Variants in TACC2 observed in about 807,000 individuals in gnomAD.
TACC2 encodes transforming acidic coiled-coil containing protein 2, also known as transforming acidic coiled-coil-containing protein 2.
In TACC2, 137 loss-of-function variants were observed where a neutral mutation model predicts 227.3. That is an observed-to-expected ratio of 0.60 (90% confidence interval 0.52 to 0.69). The LOEUF is 0.69. TACC2 is among the 30% of genes least tolerant of loss of function. The pLI is 0.00. For missense variants in TACC2, 3,470 were observed against 3,694.4 expected (o/e 0.94, Z 1.57); for synonymous variants, 1,523 against 1,487.5 (o/e 1.02, Z -0.55).
chr10:122,022,281 A>G, intron 2 of TACC2: 1 of 367,226 alleles, frequency 2.7e-6, no homozygotes. Flanking sequence ...TTGCTCTGTC[A>G]CCCAGGCTTG....
intron 7 of TACC2, among the ~76,000 whole-genome samples, chr10:122,185,087 A>T (rs1380573362): frequency 6.9e-6 from 1 of 144,516 alleles, no homozygotes; most frequent in Non-Finnish European, 1.5e-5. Flanking sequence ...GCTGATCTGG[A>T]ACTCCTGGGC....
At position 122,073,126 on chromosome 10, in the gene TACC2, A is replaced by AAAATAT. The variant is rs1383487943; in HGVS notation, c.147-9520_147-9519insAATATA. The stretch of plus-strand genomic sequence containing the variant: ...TGTCTCAAAAAAAAAAAAAAAAAAA[A>AAAATAT]ATATATATATATATATATATATATA... On this transcript the variant is annotated intron_variant, in intron 3 of 22. Coordinates refer to ENST00000369005, the MANE Select transcript of TACC2 (RefSeq NM_206862.4). Among the ~76,000 whole-genome samples the AAAATAT allele has an allele frequency of 4.9e-3, 349 of 70,848 alleles. 3 individuals carry two copies. Among genetic ancestry groups the AAAATAT allele is most frequent in the Middle Eastern group, 9.6e-3 (1 of 104 alleles). 46.5% of individuals were successfully genotyped at this position (70,848 alleles called of 152,430 possible).
intron 11 of TACC2, among the ~76,000 whole-genome samples, chr10:122,224,494 C>T (rs972704300): frequency 6.6e-6 from 1 of 152,150 alleles, no homozygotes; most frequent in Non-Finnish European, 1.5e-5. Flanking sequence ...TCTCAGCCTC[C>T]CTAATGGCAG....
intron 13 of TACC2, 123 bp downstream of exon 13, chr10:122,226,604 A>ATTT: frequency 1.3e-5 from 4 of 303,120 alleles, no homozygotes; most frequent in Admixed American, 5.7e-5. Context: ...CATGCCACAT[A>ATTT]TTTTTTTTTT....
rs572282565 is a variant in TACC2, at chr10:122,057,639, C to T, written c.146+7089C>T. 2.9e-5 allele frequency among the ~76,000 whole-genome samples: 4 copies of T among 136,482 alleles called. No homozygotes were observed. In the South Asian group the frequency reaches 1.0e-3, roughly 35 times the overall value. The allele number at this position is 136,482 out of a possible 152,430, so 89.5% of individuals were successfully genotyped here. A position where few individuals can be genotyped will look rare whatever the true frequency, so the allele number is the denominator to read the frequency against. On this transcript the variant is annotated intron_variant, in intron 3 of 22. Coordinates refer to ENST00000369005, the MANE Select transcript of TACC2 (RefSeq NM_206862.4). ...CCAACATGGAGAAACCCTGTCTCTA[C>T]TAAAAATAAAAAATTAAAAAATTAA...
In TACC2 at chr10:122,087,413, G is replaced by A. The variant is rs2137172642; in HGVS notation, c.4913G>A (p.Arg1638Lys). The change falls in exon 4 of 23, where the codon AGG (arginine) becomes AAG (lysine). Residue 1638 changes from arginine to lysine, a missense_variant. Arg to Lys is a conservative substitution (Grantham distance 26). Around this residue, in one of 10 missense-constraint regions of TACC2, gnomAD observed 1,924 missense variants for 1,978.3 expected, o/e 0.97. Transcript: ENST00000369005. ...PRSTCAPSPQREVLTVPEANS... is the reference protein window; with the variant it reads ...PRSTCAPSPQKEVLTVPEANS... ...TCCACGTGTGCCCCTTCTCCTCAGA[G>A]GGAGGTTTTGACTGTGCCTGAGGCC... is the stretch of plus-strand genomic sequence containing the variant. 1 of 1,614,062 alleles carries A rather than the reference G, an allele frequency of 6.2e-7. No homozygotes were observed. The highest frequency in any genetic ancestry group is 2.2e-5 in the East Asian group (1 of 44,872).
At chr10:122,115,561 A>T (rs2138195477) in intron 5 of TACC2, among the ~76,000 whole-genome samples, 1 of 152,330 alleles carries the variant, frequency 6.6e-6, no homozygotes, top group Non-Finnish European at 1.5e-5. Context: ...GCCTCACCCC[A>T]ATGCCAATAG....
In TACC2 at chr10:122,084,787, C is replaced by T. The variant is rs535338058; in HGVS notation, c.2287C>T (p.Arg763Cys). The T allele has an allele frequency of 1.4e-5, 22 of 1,613,586 alleles. No homozygotes were observed. The highest frequency in any genetic ancestry group is 4.4e-5 in the South Asian group (4 of 91,082). The part of the protein sequence containing the change: ...EGLLTSPDQP[R>C]GPACDASRQE... ...CTTGCTGACGTCCCCAGATCAACCC[C>T]GCGGGCCGGCGTGTGATGCGTCGAG... Residue 763 changes from arginine to cysteine, a missense_variant, in exon 4 of 23, where the codon CGC becomes TGC. Physicochemically the swap from Arg to Cys is radical, Grantham distance 180. This residue lies in a region of TACC2 where 1,924 missense variants were observed against 1,978.3 expected (regional missense o/e 0.97). Coordinates refer to ENST00000369005, the MANE Select transcript of TACC2 (RefSeq NM_206862.4).
At chr10:122,009,746 T>C (rs1249142195) in intron 1 of TACC2, among the ~76,000 whole-genome samples, 2 of 151,968 alleles carry the variant, frequency 1.3e-5, no homozygotes, top group Non-Finnish European at 2.9e-5. Flanking sequence ...GCCAACTTGA[T>C]GAAACCCCAT....
intron 7 of TACC2, among the ~76,000 whole-genome samples, chr10:122,187,033 C>T (rs1176696810): frequency 3.3e-5 from 5 of 152,132 alleles, no homozygotes; most frequent in Admixed American, 6.5e-5. Flanking sequence ...GTGTGGGGGC[C>T]GGCTTAGTGT....
At chr10:122,072,552 A>G (rs759978582) in intron 3 of TACC2, among the ~76,000 whole-genome samples, 4 of 152,134 alleles carry the variant, frequency 2.6e-5, no homozygotes, top group African/African-American at 4.8e-5. Flanking sequence ...GTGAATTACT[A>G]TGTTATCACT....
At chr10:122,189,000 G>A (rs954156808) in intron 7 of TACC2, among the ~76,000 whole-genome samples, 3 of 152,132 alleles carry the variant, frequency 2.0e-5, no homozygotes, top group Non-Finnish European at 4.4e-5. Context: ...GATGGGTCTT[G>A]GCATTTGCTT....
chr10:122,229,465 A>G lies in TACC2; in HGVS notation c.8016A>G (p.Pro2672=). ...CCGACTTAGCAGAAAAGAACCCCCC[A>G]CTATTCGCTCAGAAACTCCAGGTTT... The part of the protein sequence containing the change: ...LEPDLAEKNP[P]LFAQKLQEEL... Residue 2672 remains proline, a synonymous_variant, in exon 15 of 23, where the codon CCA becomes CCG. Coordinates refer to ENST00000369005, the MANE Select transcript of TACC2 (RefSeq NM_206862.4). 6.2e-7 allele frequency: 1 copy of G among 1,612,822 alleles called. No homozygotes were observed. The highest frequency in any genetic ancestry group is 8.5e-7 in the Non-Finnish European group (1 of 1,179,612).
At chr10:122,161,087 C>T (rs2092790718) in intron 7 of TACC2, among the ~76,000 whole-genome samples, 1 of 152,114 alleles carries the variant, frequency 6.6e-6, no homozygotes, top group South Asian at 2.1e-4. Context: ...TTATGCACCA[C>T]CACACCCACC....
At chr10:122,196,459 C>T (rs2094570207) in intron 8 of TACC2, among the ~76,000 whole-genome samples, 1 of 151,952 alleles carries the variant, frequency 6.6e-6, no homozygotes, top group African/African-American at 2.4e-5. Flanking sequence ...AGATGCCAGA[C>T]TCTGGGAGGA....
chr10:121,994,755 T>C (rs1010387286), intron 1 of TACC2: 4 of 152,362 alleles, frequency 2.6e-5, no homozygotes, highest in Non-Finnish European at 5.9e-5. Flanking sequence ...GAGCAACCTG[T>C]GGCTTTAAAC....
Position 122,092,532 on chromosome 10 carries a change from CT to C in TACC2, c.5573+3946del, listed in dbSNP as rs2080936590. ...AAGATTCAATATCTAAGAAATGTGTCTTTTTCTATTTTGATGACAGGATAGT... is the reference window on the plus strand; with the variant it reads ...AAGATTCAATATCTAAGAAATGTGTCTTTTCTATTTTGATGACAGGATAGT... On this transcript the variant is annotated intron_variant, in intron 5 of 22. Transcript: ENST00000369005. 2.0e-5 allele frequency among the ~76,000 whole-genome samples: 3 copies of C among 152,146 alleles called. No individual in the cohort carries two copies. The South Asian group carries it at 6.2e-4, about 32-fold the overall frequency.
chr10:122,077,351 C>T (rs2078933764), intron 3 of TACC2, among the ~76,000 whole-genome samples: 1 of 152,122 alleles, frequency 6.6e-6, no homozygotes, highest in Non-Finnish European at 1.5e-5. Context: ...GCCTCCATTA[C>T]ACTCCAATAG....
At position 122,254,157 on chromosome 10, in the gene TACC2, C is replaced by T. The variant is rs181521772; in HGVS notation, c.*101C>T. 2.3e-5 allele frequency: 21 copies of T among 905,096 alleles called. No homozygotes were observed. Among genetic ancestry groups the T allele is most frequent in the Non-Finnish European group, 3.4e-5 (18 of 534,624 alleles). The allele number at this position is 905,096 out of a possible 1,614,324, so 56.1% of individuals were successfully genotyped here. On this transcript the variant is annotated 3_prime_UTR_variant, in exon 23 of 23. Transcript: ENST00000369005. The stretch of plus-strand genomic sequence containing the variant: ...TGGACAGGTTCTGTTTTCACTTTTT[C>T]GTATGCACTACTGTATTTCCTTTCT...
Sources: gnomAD v4.1 joint callset for allele counts (sites outside exome capture counted in the v4.1 genomes callset) on GRCh38, gnomAD v4.1.1 for gene constraint, gnomAD v4.1.1 regional missense constraint, MANE v1.5 for transcripts, NCBI Gene and HGNC (gene_info 2026-07-23, HGNC 2026-07-21) for gene names.